The following SCAF1 variants were observed in gnomAD, a reference collection of about 807,000 sequenced individuals.
The protein encoded by SCAF1 is splicing factor, arginine/serine-rich 19.
In SCAF1, 28 loss-of-function variants were observed where a neutral mutation model predicts 91.2. That is an observed-to-expected ratio of 0.31 (90% CI 0.23 to 0.42). The LOEUF (loss-of-function observed/expected upper bound fraction) is 0.42. Ranked by LOEUF, SCAF1 falls within the 10% of genes least tolerant of loss-of-function variation. The pLI is 1.00. For missense variants in SCAF1, 1,893 were observed against 1,872.1 expected, an observed-to-expected ratio of 1.01 and a Z score of -0.21; for synonymous variants, 1,036 against 833.7, an observed-to-expected ratio of 1.24 and a Z score of -4.18.
chr19:49,656,184 T>A (rs2081138376), intron 9 of SCAF1, among the ~76,000 whole-genome samples: 1 of 152,168 alleles, frequency 6.6e-6, no homozygotes, highest in African/African-American at 2.4e-5. Context: ...TGGTCTACAG[T>A]GGCCCTTGCT....
chr19:49,650,082 G>A (rs1167214395), intron 6 of SCAF1, among the ~76,000 whole-genome samples: 2 of 152,214 alleles, frequency 1.3e-5, no homozygotes, highest in African/African-American at 2.4e-5. Flanking sequence ...CTTTGGGGGC[G>A]AATGAGGTGA....
At position 49,646,114 on chromosome 19, in the gene SCAF1, C is replaced by G; in HGVS notation, c.173C>G (p.Ser58Cys). ...QGDLPNDKDG[S>C]RCHGLRWRRC... ...CATGCAAATCTCTCACCAGATGGCT[C>G]TCGGTGTCATGGCCTTCGATGGCGG... is the stretch of plus-strand genomic sequence containing the variant. Residue 58 changes from serine to cysteine, a missense_variant, in exon 4 of 11, where the codon TCT (serine) becomes TGT (cysteine). Ser to Cys is a moderately radical substitution (Grantham distance 112, BLOSUM62 -1). This residue lies in a region of SCAF1 where 270 missense variants were observed against 292.5 expected (regional missense o/e 0.92). Coordinates refer to ENST00000360565, the MANE Select transcript of SCAF1 (RefSeq NM_021228.3). The surrounding 1 kb of genome is among the most constrained non-coding windows in gnomAD (Gnocchi z 5.6). 1 of 1,612,032 alleles carries G rather than the reference C, an allele frequency of 6.2e-7. No homozygotes were observed. Among genetic ancestry groups the G allele is most frequent in the South Asian group, 1.1e-5 (1 of 91,064 alleles).
chr19:49,643,799 A>T (rs1189879343), intron 1 of SCAF1, among the ~76,000 whole-genome samples: 1 of 152,140 alleles, frequency 6.6e-6, no homozygotes, highest in Admixed American at 6.5e-5. Context: ...AGAGGCTGGG[A>T]TGTAATAGAC....
chr19:49,645,501 T>A lies in SCAF1; in HGVS notation c.166+90T>A. The A allele has an allele frequency of 7.1e-7, 1 of 1,405,374 alleles. No homozygotes were observed. Among genetic ancestry groups the A allele is most frequent in the South Asian group, 1.3e-5 (1 of 79,690 alleles). 87.1% of individuals were successfully genotyped at this position (1,405,374 alleles called of 1,614,324 possible). Reference sequence around the variant, plus strand: ...TCATACAAGCTTTTCTGAAGCCTCCTGGGTGCCACCCTTGTGCTGGCATGG... The same window carrying A: ...TCATACAAGCTTTTCTGAAGCCTCCAGGGTGCCACCCTTGTGCTGGCATGG... On this transcript the variant is annotated intron_variant, in intron 3 of 10. Transcript: ENST00000360565. This position sits in a 1 kb window ranked among gnomAD's most constrained non-coding sequence, Gnocchi z 4.6.
intron 9 of SCAF1, among the ~76,000 whole-genome samples, chr19:49,655,867 C>T (rs1258785309): frequency 6.6e-6 from 1 of 152,000 alleles, no homozygotes; most frequent in Non-Finnish European, 1.5e-5. Flanking sequence ...GTTGGGGTCT[C>T]ACTATGTTGC....
chr19:49,648,700 CGGT>C (rs1465339666), intron 6 of SCAF1, among the ~76,000 whole-genome samples: 1 of 151,582 alleles, frequency 6.6e-6, no homozygotes, highest in Non-Finnish European at 1.5e-5. Flanking sequence ...GGGCTGGGCA[CGGT>C]GGCTCACGCC....
intron 6 of SCAF1, among the ~76,000 whole-genome samples, chr19:49,648,560 A>ACCCCCC (rs59176255): frequency 5.1e-5 from 6 of 116,864 alleles, no homozygotes; most frequent in African/African-American, 1.6e-4. Flanking sequence ...TGCCTGCCAC[A>ACCCCCC]CCCCCCCCCC....
chr19:49,652,089 C>T lies in SCAF1; in HGVS notation c.1700C>T (p.Ser567Leu), dbSNP rs747528749. Residue 567 changes from serine (S) to leucine (L), a missense_variant, in exon 7 of 11, where the codon TCG (serine) becomes TTG (leucine). Physicochemically the swap from Ser to Leu is moderately radical, Grantham distance 145 (BLOSUM62 -2). This residue lies in a region of SCAF1 where 1,436 missense variants were observed against 1,306.8 expected (regional missense o/e 1.10). Coordinates refer to ENST00000360565, the MANE Select transcript of SCAF1 (RefSeq NM_021228.3). ...GACCGCAAGCCCGGCTCCCACGCCT[C>T]GTCGTCCGCCCGCCGCCGCTCCCGC... ...SRDRKPGSHA[S>L]SSARRRSRSR... The T allele has an allele frequency of 5.1e-6, 6 of 1,175,406 alleles. No individual in the cohort carries two copies. Among genetic ancestry groups the T allele is most frequent in the South Asian group, 3.5e-5 (2 of 57,010 alleles). The allele number at this position is 1,175,406 out of a possible 1,614,324, so 72.8% of individuals were successfully genotyped here. A position where few individuals can be genotyped will look rare whatever the true frequency, so the allele number is the denominator to read the frequency against.
In SCAF1 at chr19:49,656,925, C is replaced by T. The variant is rs541531131; in HGVS notation, c.3619-836C>T. ...ATTCCAACACTTCGCAAGGCCGAGG[C>T]GGGTGAATCGCTTGAGCCCAGGAGT... On this transcript the variant is annotated intron_variant, in intron 9 of 10. Coordinates refer to ENST00000360565, the MANE Select transcript of SCAF1 (RefSeq NM_021228.3). Among the ~76,000 whole-genome samples the T allele has an allele frequency of 3.9e-5, 6 of 152,332 alleles. No individual in the cohort carries two copies. In the South Asian group the frequency reaches 8.3e-4, roughly 21 times the overall value.
Position 49,651,448 on chromosome 19 carries a change from C to T in SCAF1, c.1059C>T (p.Phe353=), listed in dbSNP as rs777276344. Residue 353 remains phenylalanine, a synonymous_variant, in exon 7 of 11, where the codon TTC becomes TTT. Transcript: ENST00000360565. ...ATGGAGCCATGCGCCGGCGGGTCTT[C>T]GTGGTGGGGACCGAGGCAGAGGCTT... ...RADGAMRRRV[F]VVGTEAEACR... is the part of the protein sequence containing the mutation. The T allele has an allele frequency of 1.9e-6, 3 of 1,593,104 alleles. No homozygotes were observed. Among genetic ancestry groups the T allele is most frequent in the Non-Finnish European group, 2.6e-6 (3 of 1,170,396 alleles).
Position 49,652,000 on chromosome 19 carries a change from G to C in SCAF1, c.1611G>C (p.Ser537=). 1 of 1,198,150 alleles carries C rather than the reference G, an allele frequency of 8.3e-7. No homozygotes were observed. Among genetic ancestry groups the C allele is most frequent in the Non-Finnish European group, 1.0e-6 (1 of 957,180 alleles). 74.2% of individuals were successfully genotyped at this position (1,198,150 alleles called of 1,614,324 possible). ...GEAKEAASSS[S]GTQPAPPAPA... ...CCAAGGAGGCCGCCTCGTCCTCGTCGGGCACCCAGCCAGCGCCGCCCGCCC... is the reference window on the plus strand; with the variant it reads ...CCAAGGAGGCCGCCTCGTCCTCGTCCGGCACCCAGCCAGCGCCGCCCGCCC... Residue 537 remains serine (S), a synonymous_variant, in exon 7 of 11, where the codon TCG becomes TCC. Transcript: ENST00000360565.
rs1555748496 is a variant in SCAF1 at position 49,648,570 on chromosome 19, C to CT, written c.478+1749dup. Among the ~76,000 whole-genome samples the CT allele has an allele frequency of 4.3e-4, 63 of 146,878 alleles. 2 individuals carry two copies. In the South Asian group the frequency reaches 7.0e-3, roughly 16 times the overall value. On this transcript the variant is annotated intron_variant, in intron 6 of 10. Transcript: ENST00000360565. The stretch of plus-strand genomic sequence containing the variant: ...CACCATGCCTGCCACACCCCCCCCC[C>CT]TTTTTTTTTAACAGCTGGAAATGAT...
chr19:49,646,924 T>C lies in SCAF1; in HGVS notation c.478+94T>C. 1 of 903,656 alleles carries C rather than the reference T, an allele frequency of 1.1e-6. No individual in the cohort carries two copies. The highest frequency in any genetic ancestry group is 1.7e-6 in the Non-Finnish European group (1 of 599,692). 56.0% of individuals were successfully genotyped at this position (903,656 alleles called of 1,614,324 possible). Reference sequence around the variant, plus strand: ...GTGATGGTAGCGGTGATCATGTTATTTAGACAAAACCTTTCCCTTCTCTTC... The same window carrying C: ...GTGATGGTAGCGGTGATCATGTTATCTAGACAAAACCTTTCCCTTCTCTTC... On this transcript the variant is annotated intron_variant, in intron 6 of 10. Transcript: ENST00000360565. This position sits in a 1 kb window ranked among gnomAD's most constrained non-coding sequence, Gnocchi z 5.6.
rs1568443360 is a variant in SCAF1, at chr19:49,651,889, C to CCCGGCG, written c.1503_1508dup (p.Pro507_Ala508dup). Reference sequence around the variant, plus strand: ...AGCGCTACCGCCAGCGCTCGCCCTCCCCGGCGCCCGCGCCCGCCCCGGCCG... The same window carrying CCCGGCG: ...AGCGCTACCGCCAGCGCTCGCCCTCCCCGGCGCCGGCGCCCGCGCCCGCCCCGGCCG... On this transcript the variant is annotated inframe_insertion, in exon 7 of 11. Transcript: ENST00000360565. 2.5e-6 allele frequency: 3 copies of CCCGGCG among 1,186,240 alleles called. No individual in the cohort carries two copies. The highest frequency in any genetic ancestry group is 3.1e-6 in the Non-Finnish European group (3 of 955,094). The allele number at this position is 1,186,240 out of a possible 1,614,324, so 73.5% of individuals were successfully genotyped here. A position where few individuals can be genotyped will look rare whatever the true frequency, so the allele number is the denominator to read the frequency against.
In SCAF1 at chr19:49,644,388, G is replaced by A. The variant is rs139064177; in HGVS notation, c.-6-633G>A. On this transcript the variant is annotated intron_variant, in intron 1 of 10. Transcript: ENST00000360565. ...AATGCCTCCTGTGAAGTTTTCCTTCGGCATGTCTTTCTGAAGTTTAGCGTT... is the reference window on the plus strand; with the variant it reads ...AATGCCTCCTGTGAAGTTTTCCTTCAGCATGTCTTTCTGAAGTTTAGCGTT... Among the ~76,000 whole-genome samples the A allele has an allele frequency of 3.8e-3, 577 of 152,248 alleles. 1 individual carries two copies. Among genetic ancestry groups the A allele is most frequent in the Non-Finnish European group, 7.1e-3 (483 of 68,008 alleles).
At position 49,645,334 on chromosome 19, in the gene SCAF1, G is replaced by T. The variant is rs2081048635; in HGVS notation, c.109-20G>T. Reference sequence around the variant, plus strand: ...ATCTGCCTGGGTCCTCTGACGCTTGGTTCTTCCCCCCTTCCCCAGCGAGCC... The same window carrying T: ...ATCTGCCTGGGTCCTCTGACGCTTGTTTCTTCCCCCCTTCCCCAGCGAGCC... On this transcript the variant is annotated intron_variant, in intron 2 of 10. Transcript: ENST00000360565. This position sits in a 1 kb window ranked among gnomAD's most constrained non-coding sequence, Gnocchi z 4.6. 1 of 1,613,748 alleles carries T rather than the reference G, an allele frequency of 6.2e-7. No homozygotes were observed. The highest frequency in any genetic ancestry group is 2.2e-5 in the East Asian group (1 of 44,872).
chr19:49,657,700 A>G, intron 9 of SCAF1, 61 bp from the exon 10 acceptor site: 1 of 1,539,282 alleles, frequency 6.5e-7, no homozygotes, highest in Non-Finnish European at 8.8e-7. Flanking sequence ...GTGGAGGTGG[A>G]GGTTCCGCAG....
intron 7 of SCAF1, 37 bp from the exon 8 acceptor site, chr19:49,654,312 T>C: frequency 1.9e-6 from 3 of 1,581,814 alleles, no homozygotes; most frequent in Non-Finnish European, 2.6e-6. Context: ...CTGTCACCTC[T>C]CCCATCTTCA....
In SCAF1 at chr19:49,652,384, C is replaced by T. The variant is rs1334327906; in HGVS notation, c.1995C>T (p.Pro665=). 3 of 1,552,756 alleles carry T rather than the reference C, an allele frequency of 1.9e-6. No homozygotes were observed. Among genetic ancestry groups the T allele is most frequent in the South Asian group, 1.2e-5 (1 of 85,030 alleles). ...ATGGCAGCGAGAAGGCCCCGGCGCC[C>T]GCCCCGCCGCCCTCTGGCTCCACCT... ...SGDGSEKAPA[P]APPPSGSTSC... The change falls in exon 7 of 11, where the codon CCC becomes CCT. Residue 665 remains proline, a synonymous_variant. Coordinates refer to ENST00000360565, the MANE Select transcript of SCAF1 (RefSeq NM_021228.3).
Sources: gnomAD v4.1 joint callset for allele counts (sites outside exome capture counted in the v4.1 genomes callset) on GRCh38, gnomAD v4.1.1 for gene constraint, gnomAD v4.1.1 regional missense constraint, Gnocchi (gnomAD v3.1) non-coding constraint, MANE v1.5 for transcripts, NCBI Gene and HGNC (gene_info 2026-07-23, HGNC 2026-07-21) for gene names.